Variants in SH3KBP1 observed in about 807,000 individuals in gnomAD.
SH3KBP1 encodes SH3 domain-containing kinase-binding protein 1.
SH3KBP1 carries 8 observed loss-of-function variants against 50.1 expected under a neutral mutation model. The observed-to-expected ratio is 0.16, with a 90% CI of 0.09 to 0.29. SH3KBP1 has a LOEUF of 0.29. Among genes scored for constraint, SH3KBP1 ranks in the 10% least tolerant of loss-of-function variants. SH3KBP1 has a pLI of 1.00. For synonymous variants in SH3KBP1, 227 were observed against 218.6 expected (o/e 1.04, Z -0.34); for missense variants, 377 against 535.2 (o/e 0.70, Z 2.92).
chrX:19,678,750 C>G (rs1298645824), intron 6 of SH3KBP1, among the ~76,000 whole-genome samples: 1 of 111,458 alleles, frequency 9.0e-6, no homozygotes, highest in Non-Finnish European at 1.9e-5. Flanking sequence ...TCTGTTACCT[C>G]TCTTCTGAAT....
chrX:19,639,067 A>G (rs926758983), intron 7 of SH3KBP1, among the ~76,000 whole-genome samples: 3 of 111,718 alleles, frequency 2.7e-5, no homozygotes, highest in Admixed American at 1.9e-4. Flanking sequence ...CACACAGAGG[A>G]CAACGCCCAC....
chrX:19,747,945 A>G (rs2064964302), intron 2 of SH3KBP1, among the ~76,000 whole-genome samples: 1 of 112,539 alleles, frequency 8.9e-6, no homozygotes, highest in Non-Finnish European at 1.9e-5. Flanking sequence ...GGGTTCCTGT[A>G]GCCTCACAGG....
Position 19,818,859 on chromosome X carries a change from G to A in SH3KBP1, c.162+17266C>T, listed in dbSNP as rs187349102. Among the ~76,000 whole-genome samples, 5 of 111,396 alleles carry A rather than the reference G, an allele frequency of 4.5e-5. No homozygotes were observed. In the East Asian group the frequency reaches 1.4e-3, roughly 31 times the overall value. On this transcript the variant is annotated intron_variant, in intron 2 of 17. Transcript: ENST00000397821. ...AGGACTTTTGTGTCTATGTTCTTGAGGGACACTGGCCTGCAGTTTTCTTTG... is the reference window on the plus strand; with the variant it reads ...AGGACTTTTGTGTCTATGTTCTTGAAGGACACTGGCCTGCAGTTTTCTTTG...
At chrX:19,574,997 C>T (rs2147877065) in intron 12 of SH3KBP1, among the ~76,000 whole-genome samples, 1 of 112,042 alleles carries the variant, frequency 8.9e-6, no homozygotes, top group South Asian at 3.7e-4. Context: ...ACCTCTACAA[C>T]TGTGAGGAAA....
intron 4 of SH3KBP1, among the ~76,000 whole-genome samples, chrX:19,702,133 C>G (rs2063548499): frequency 8.9e-6 from 1 of 112,188 alleles, no homozygotes; most frequent in Admixed American, 9.4e-5. Flanking sequence ...TTAATGTTAT[C>G]TTCTTTTTGC....
chrX:19,813,032 A>G (rs1347056590), intron 2 of SH3KBP1, among the ~76,000 whole-genome samples: 1 of 109,392 alleles, frequency 9.1e-6, no homozygotes, highest in African/African-American at 3.4e-5. Context: ...AGTCCCAACT[A>G]CTCAGGAGGC....
chrX:19,726,034 C>T (rs2064213741), intron 3 of SH3KBP1, among the ~76,000 whole-genome samples: 1 of 111,853 alleles, frequency 8.9e-6, no homozygotes, highest in African/African-American at 3.3e-5. Context: ...CTTAGGGAAT[C>T]GTATGCTTCA....
chrX:19,726,507 C>T (rs1431714577), intron 3 of SH3KBP1, among the ~76,000 whole-genome samples: 2 of 110,116 alleles, frequency 1.8e-5, no homozygotes, highest in Non-Finnish European at 3.8e-5. Flanking sequence ...ATTTTAGGTT[C>T]AGGGGTACAT....
chrX:19,554,355 T>A (rs189722329), intron 13 of SH3KBP1, among the ~76,000 whole-genome samples: 17,340 of 85,224 alleles, frequency 0.2, 1,981 homozygotes, highest in African/African-American at 0.45. Flanking sequence ...TATTAATATA[T>A]TATATATCAT....
In SH3KBP1 at chrX:19,542,042, C is replaced by T. The variant is rs760642189; in HGVS notation, c.1775G>A (p.Gly592Asp). The T allele has an allele frequency of 6.7e-5, 81 of 1,210,304 alleles. No homozygotes were observed. Among genetic ancestry groups the T allele is most frequent in the Non-Finnish European group, 8.8e-5 (79 of 895,266 alleles). Residue 592 changes from glycine to aspartate, a missense_variant, in exon 16 of 18, where the codon GGC (glycine) becomes GAC (aspartate). Physicochemically the swap from Gly to Asp is moderately conservative, Grantham distance 94. Around this residue, in one of 3 missense-constraint regions of SH3KBP1, gnomAD observed 110 missense variants for 124.1 expected, o/e 0.89. Transcript: ENST00000397821. ...GHRANSPSLF[G>D]TEGKPKMEPA... ...CTCCATCTTTGGTTTTCCTTCCGTG[C>T]CGAACAGAGACGGGGAGTTGGCTCT...
At chrX:19,781,732 A>G (rs2066187100) in intron 2 of SH3KBP1, among the ~76,000 whole-genome samples, 2 of 111,234 alleles carry the variant, frequency 1.8e-5, no homozygotes, top group South Asian at 7.6e-4. Flanking sequence ...AATGGGCATG[A>G]AGGATGTGGA....
chrX:19,835,641 C>T (rs1162710515), intron 2 of SH3KBP1, among the ~76,000 whole-genome samples: 3 of 106,990 alleles, frequency 2.8e-5, no homozygotes, highest in African/African-American at 1.0e-4. Context: ...TGCAGTGGCG[C>T]AATCTCAGCT....
At chrX:19,817,223 TTTTTCAAAATTG>T (rs1158907870) in intron 2 of SH3KBP1, among the ~76,000 whole-genome samples, 3 of 112,361 alleles carry the variant, frequency 2.7e-5, no homozygotes, top group Non-Finnish European at 5.6e-5. Flanking sequence ...TTTGCTCTTC[TTTTTCAAAATTG>T]TTTTCAAAAT....
In SH3KBP1 at chrX:19,536,408, A is replaced by T. The variant is rs764517918; in HGVS notation, c.*9T>A. On this transcript the variant is annotated 3_prime_UTR_variant, in exon 18 of 18. Coordinates refer to ENST00000397821, the MANE Select transcript of SH3KBP1 (RefSeq NM_031892.3). The stretch of plus-strand genomic sequence containing the variant: ...GGATGAATAATGTGACATTTCATTG[A>T]TCAAGTATTCATTTTGATTGTAGAG... The T allele has an allele frequency of 1.1e-5, 12 of 1,119,436 alleles. No individual in the cohort carries two copies. The South Asian group carries it at 2.4e-4, about 22-fold the overall frequency. 92.3% of individuals were successfully genotyped at this position (1,119,436 alleles called of 1,213,427 possible). A position where few individuals can be genotyped will look rare whatever the true frequency, so the allele number is the denominator to read the frequency against.
chrX:19,788,279 A>C (rs961149980), intron 2 of SH3KBP1, among the ~76,000 whole-genome samples: 27 of 102,875 alleles, frequency 2.6e-4, no homozygotes, highest in South Asian at 4.0e-4. Context: ...CAAAAAAAAA[A>C]AAAAAACAAA....
intron 8 of SH3KBP1, among the ~76,000 whole-genome samples, chrX:19,625,349 C>T (rs1438424499): frequency 9.1e-6 from 1 of 110,332 alleles, no homozygotes; most frequent in Non-Finnish European, 1.9e-5. Flanking sequence ...TTTTGCCCCC[C>T]GACAGCGAGT....
intron 2 of SH3KBP1, among the ~76,000 whole-genome samples, chrX:19,831,331 C>T (rs886178321): frequency 9.6e-6 from 1 of 103,945 alleles, no homozygotes; most frequent in African/African-American, 3.6e-5. Flanking sequence ...GTGGGAGGAT[C>T]ACTTGAGCCT....
intron 2 of SH3KBP1, among the ~76,000 whole-genome samples, chrX:19,755,217 A>C (rs2065176400): frequency 9.0e-6 from 1 of 110,928 alleles, no homozygotes; most frequent in Non-Finnish European, 1.9e-5. Context: ...AAGATACAAA[A>C]AATTATCAGG....
At chrX:19,826,143 G>A (rs185910439) in intron 2 of SH3KBP1, among the ~76,000 whole-genome samples, 2 of 112,458 alleles carry the variant, frequency 1.8e-5, no homozygotes, top group African/African-American at 6.5e-5. Flanking sequence ...TTCTCAAGTG[G>A]CATTTTAATC....
Sources: allele counts gnomAD v4.1 joint callset (sites outside exome capture counted in the v4.1 genomes callset), GRCh38; gene constraint gnomAD v4.1.1; regional missense constraint gnomAD v4.1.1; transcripts MANE v1.5; gene names NCBI Gene and HGNC (gene_info 2026-07-23, HGNC 2026-07-21).